The following R3HDM2 variants were observed in gnomAD, a reference collection of about 807,000 sequenced individuals.
The protein encoded by R3HDM2 is R3H domain containing 2, also known as R3H domain-containing protein 2.
A neutral mutation model predicts 124.5 loss-of-function variants in R3HDM2; 38 were observed. The ratio of observed to expected loss-of-function variants is 0.31; its 90% confidence interval spans 0.24 to 0.40. The LOEUF is 0.40. Among genes scored for constraint, R3HDM2 ranks in the 10% least tolerant of loss-of-function variants. The pLI is 1.00. For missense variants in R3HDM2, 869 were observed against 1,236.9 expected, an observed-to-expected ratio of 0.70 and a Z score of 4.46; for synonymous variants, 391 against 448.0, an observed-to-expected ratio of 0.87 and a Z score of 1.61.
At chr12:57,360,948 A>C (rs1170253431) in intron 2 of R3HDM2, among the ~76,000 whole-genome samples, 1 of 139,734 alleles carries the variant, frequency 7.2e-6, no homozygotes, top group Non-Finnish European at 1.5e-5. Flanking sequence ...GCTACTTGGG[A>C]GGCTGAGGCA....
At position 57,255,365 on chromosome 12, in the gene R3HDM2, T is replaced by C. The variant is rs117245169; in HGVS notation, c.2633-252A>G. On this transcript the variant is annotated intron_variant, in intron 23 of 23. Transcript: ENST00000402412. ...GGAAAGAAGGGACAGGGAATCAGAA[T>C]CCTGGGTTTCTGAGCTAAGAACCTA... 2.1e-3 allele frequency among the ~76,000 whole-genome samples: 324 copies of C among 152,332 alleles called. 9 individuals are homozygous for C. In the East Asian group the frequency reaches 0.05, roughly 24 times the overall value.
chr12:57,356,135 C>T (rs368449662), intron 2 of R3HDM2, among the ~76,000 whole-genome samples: 27 of 152,064 alleles, frequency 1.8e-4, no homozygotes, highest in African/African-American at 6.3e-4. Context: ...AATACCCATG[C>T]CTTTTTCTTA....
chr12:57,295,307 T>G, intron 10 of R3HDM2, 92 bp downstream of exon 10: 1 of 832,838 alleles, frequency 1.2e-6, no homozygotes, highest in Non-Finnish European at 2.0e-6. Context: ...TAAGATATTT[T>G]GAGTTTTCTC....
At chr12:57,313,117 T>C (rs2054262231) in intron 2 of R3HDM2, among the ~76,000 whole-genome samples, 2 of 152,150 alleles carry the variant, frequency 1.3e-5, no homozygotes, top group South Asian at 2.1e-4. Context: ...TTGCTATACA[T>C]GGGACTTTGT....
chr12:57,371,083 C>CTTTTTTTTTTTTTTTTTTTTTTT (rs775839017), intron 2 of R3HDM2, among the ~76,000 whole-genome samples: 2 of 40,898 alleles, frequency 4.9e-5, no homozygotes, highest in African/African-American at 8.6e-5. Flanking sequence ...TATACCATTA[C>CTTTTTTTTTTTTTTTTTTTTTTT]TTTTTTTTTT....
Position 57,257,990 on chromosome 12 carries a change from C to A in R3HDM2, c.2449G>T (p.Gly817Cys). 1 of 1,549,520 alleles carries A rather than the reference C, an allele frequency of 6.5e-7. No homozygotes were observed. Among genetic ancestry groups the A allele is most frequent in the South Asian group, 1.2e-5 (1 of 81,126 alleles). The change falls in exon 21 of 24, where the codon GGT (glycine) becomes TGT (cysteine). Residue 817 changes from glycine to cysteine, a missense_variant and splice_region_variant. Gly to Cys is a radical substitution (Grantham distance 159). Coordinates refer to ENST00000402412, the MANE Select transcript of R3HDM2 (RefSeq NM_001394031.1). Reference protein sequence around the residue: ...QFPRPGGPAQGDGRYSLLGQP... With the variant: ...QFPRPGGPAQCDGRYSLLGQP... Reference sequence around the variant, plus strand: ...AGCCAGCACTAATCTAACCCCCTACCCTGTGCTGGACCCCCAGGCCGGGGG... The same window carrying A: ...AGCCAGCACTAATCTAACCCCCTACACTGTGCTGGACCCCCAGGCCGGGGG...
intron 1 of R3HDM2, among the ~76,000 whole-genome samples, chr12:57,427,136 C>T (rs1396805217): frequency 6.6e-6 from 1 of 151,750 alleles, no homozygotes; most frequent in African/African-American, 2.4e-5. Context: ...ACTAAAAATA[C>T]AAAAATTAGT....
chr12:57,402,921 G>C (rs2139053766), intron 1 of R3HDM2, among the ~76,000 whole-genome samples: 1 of 152,260 alleles, frequency 6.6e-6, no homozygotes, highest in South Asian at 2.1e-4. Context: ...AAAAGATGCA[G>C]AACCATTTTT....
At chr12:57,379,606 A>T (rs1024093555) in intron 2 of R3HDM2, among the ~76,000 whole-genome samples, 3 of 152,074 alleles carry the variant, frequency 2.0e-5, no homozygotes, top group African/African-American at 7.2e-5. Context: ...AATGAAAAAA[A>T]CGATAAGCTC....
intron 2 of R3HDM2, among the ~76,000 whole-genome samples, chr12:57,346,618 C>G (rs570742932): frequency 2.6e-5 from 4 of 151,936 alleles, no homozygotes; most frequent in Admixed American, 6.6e-5. Flanking sequence ...TGAAGGAAAA[C>G]TAAGAGAATT....
chr12:57,417,661 A>C (rs1694474938), intron 1 of R3HDM2, among the ~76,000 whole-genome samples: 1 of 152,218 alleles, frequency 6.6e-6, no homozygotes, highest in Non-Finnish European at 1.5e-5. Flanking sequence ...AAATATATCC[A>C]AAATCAAAGA....
At chr12:57,363,514 A>G (rs1014058157) in intron 2 of R3HDM2, among the ~76,000 whole-genome samples, 2 of 152,278 alleles carry the variant, frequency 1.3e-5, no homozygotes, top group African/African-American at 2.4e-5. Context: ...CTAATGTTCT[A>G]TACCACTGCA....
At chr12:57,305,388 T>A (rs1332423590) in intron 3 of R3HDM2, among the ~76,000 whole-genome samples, 1 of 152,182 alleles carries the variant, frequency 6.6e-6, no homozygotes, top group African/African-American at 2.4e-5. Flanking sequence ...TTTGTTAGTA[T>A]AAATAATGAC....
intron 2 of R3HDM2, among the ~76,000 whole-genome samples, chr12:57,375,867 T>C (rs537903341): frequency 6.6e-6 from 1 of 152,178 alleles, no homozygotes; most frequent in South Asian, 2.1e-4. Flanking sequence ...AGAGACAGGG[T>C]TTCACTATGT....
At chr12:57,430,442 T>G (rs1001225178) in intron 1 of R3HDM2, 2 of 861,366 alleles carry the variant, frequency 2.3e-6, no homozygotes, top group African/African-American at 3.6e-5. Flanking sequence ...AAGGGCGCAA[T>G]AGTTTTTAGG....
At chr12:57,356,836 C>T (rs183887216) in intron 2 of R3HDM2, among the ~76,000 whole-genome samples, 3 of 152,272 alleles carry the variant, frequency 2.0e-5, no homozygotes, top group Admixed American at 6.5e-5. Context: ...TTTGGCCGGG[C>T]GTGGTAGCTC....
intron 22 of R3HDM2, 141 bp downstream of exon 22, chr12:57,256,273 G>A: frequency 2.3e-6 from 2 of 877,258 alleles, no homozygotes; most frequent in Non-Finnish European, 3.5e-6. Flanking sequence ...GGAGACATGA[G>A]TATAGGAGGT....
At chr12:57,318,639 C>T (rs2055701654) in intron 2 of R3HDM2, among the ~76,000 whole-genome samples, 1 of 149,998 alleles carries the variant, frequency 6.7e-6, no homozygotes, top group South Asian at 2.1e-4. Context: ...ACAAGCGAGA[C>T]TCCATCTCAA....
At chr12:57,414,500 A>C (rs1295157067) in intron 1 of R3HDM2, among the ~76,000 whole-genome samples, 2 of 149,178 alleles carry the variant, frequency 1.3e-5, no homozygotes, top group African/African-American at 2.5e-5. Flanking sequence ...AAAAAAAAAA[A>C]AAAAAAAAAA....
Sources: allele counts gnomAD v4.1 joint callset (sites outside exome capture counted in the v4.1 genomes callset), GRCh38; gene constraint gnomAD v4.1.1; transcripts MANE v1.5; gene names NCBI Gene and HGNC (gene_info 2026-07-23, HGNC 2026-07-21).